The following COL21A1 variants were observed in gnomAD, a reference collection of about 807,000 sequenced individuals.
The protein encoded by COL21A1 is collagen alpha-1(XXI) chain.
COL21A1 carries 149 observed loss-of-function variants against 137.9 expected under a neutral mutation model. The ratio of observed to expected loss-of-function variants is 1.08; its 90% CI spans 0.95 to 1.24. The LOEUF is 1.24. COL21A1 is among the 50% of genes most tolerant of loss of function. The pLI, the probability that COL21A1 is intolerant of heterozygous loss-of-function variation, is 0.00. For synonymous variants in COL21A1, 456 were observed against 391.5 expected (o/e 1.16, Z -1.95); for missense variants, 1,167 against 1,158.4 (o/e 1.01, Z -0.11).
intron 5 of COL21A1, 50 bp downstream of exon 5, chr6:56,170,599 G>A (rs951275819): frequency 2.3e-6 from 3 of 1,289,848 alleles, no homozygotes; most frequent in Admixed American, 2.0e-5. Flanking sequence ...AAACCCAATA[G>A]TGCTTCCCCA....
chr6:56,178,846 T>A (rs1582570146), intron 3 of COL21A1, among the ~76,000 whole-genome samples: 1 of 152,220 alleles, frequency 6.6e-6, no homozygotes, highest in South Asian at 2.1e-4. Flanking sequence ...AAGTTAAGCT[T>A]TTTAAAGTGC....
chr6:56,065,814 C>A (rs10484724), intron 23 of COL21A1, among the ~76,000 whole-genome samples: 12,189 of 151,650 alleles, frequency 0.08, 525 homozygotes, highest in Admixed American at 0.11. Context: ...GTGTGGGGCA[C>A]GATTAAAGGA....
chr6:56,260,583 AG>A (rs1401610248), intron 1 of COL21A1, among the ~76,000 whole-genome samples: 5 of 33,864 alleles, frequency 1.5e-4, no homozygotes, highest in Non-Finnish European at 1.7e-4. Context: ...AAAAAAAAAA[AG>A]AAAGAAGAAG....
At chr6:56,351,336 C>T (rs184468934) in intron 1 of COL21A1, among the ~76,000 whole-genome samples, 4 of 152,276 alleles carry the variant, frequency 2.6e-5, no homozygotes, top group Non-Finnish European at 2.9e-5. Flanking sequence ...GAAAAGAGTA[C>T]GGGGAGGGGG....
chr6:56,340,488 A>G (rs1765440380), intron 1 of COL21A1, among the ~76,000 whole-genome samples: 1 of 152,160 alleles, frequency 6.6e-6, no homozygotes, highest in African/African-American at 2.4e-5. Flanking sequence ...TTCAAGGCCA[A>G]GTTTAATGCT....
chr6:56,206,851 A>AATG (rs1051268904), intron 1 of COL21A1, among the ~76,000 whole-genome samples: 1 of 151,862 alleles, frequency 6.6e-6, no homozygotes, highest in Non-Finnish European at 1.5e-5. Flanking sequence ...CTCAGACCAA[A>AATG]GTGGAATCAA....
At chr6:56,232,330 A>G (rs945270302) in intron 1 of COL21A1, among the ~76,000 whole-genome samples, 1 of 151,956 alleles carries the variant, frequency 6.6e-6, no homozygotes, top group Non-Finnish European at 1.5e-5. Flanking sequence ...CAATGTTTAA[A>G]AAGATATTTT....
At position 56,125,567 on chromosome 6, in the gene COL21A1, CT is replaced by C; in HGVS notation, c.1649del (p.Lys550ArgfsTer30). On this transcript the variant is annotated frameshift_variant and splice_region_variant, in exon 14 of 30. Coordinates refer to ENST00000244728, the MANE Select transcript of COL21A1 (RefSeq NM_030820.4). LOFTEE classifies it high-confidence loss of function. ...ACTTTGTTGTGTGATCTATACTTCC[CT>C]TTTTGCCATAAAATCCAGGTGATCC... ...DKGSPGFYGK[K>X]GAKGEKGNAG... The C allele has an allele frequency of 6.2e-7, 1 of 1,600,126 alleles. No homozygotes were observed. Among genetic ancestry groups the C allele is most frequent in the Non-Finnish European group, 8.5e-7 (1 of 1,170,520 alleles).
chr6:56,294,206 T>C (rs1226557283), intron 1 of COL21A1, among the ~76,000 whole-genome samples: 1 of 152,114 alleles, frequency 6.6e-6, no homozygotes, highest in Non-Finnish European at 1.5e-5. Context: ...TTGAATTAAG[T>C]AGCAAATCTC....
chr6:56,074,520 T>C (rs1302013145), intron 19 of COL21A1, among the ~76,000 whole-genome samples: 1 of 151,492 alleles, frequency 6.6e-6, no homozygotes, highest in African/African-American at 2.4e-5. Flanking sequence ...ATGATTCTAT[T>C]GCTTACAAAA....
At chr6:56,079,829 G>T (rs999775300) in intron 17 of COL21A1, among the ~76,000 whole-genome samples, 3 of 151,506 alleles carry the variant, frequency 2.0e-5, no homozygotes, top group African/African-American at 7.3e-5. Context: ...ATTATGCTAA[G>T]AATTATTACT....
At chr6:56,190,548 C>T (rs1289899045) in intron 1 of COL21A1, among the ~76,000 whole-genome samples, 1 of 152,104 alleles carries the variant, frequency 6.6e-6, no homozygotes, top group East Asian at 1.9e-4. Context: ...TGAAACAATT[C>T]CAAACAATAG....
At chr6:56,211,179 A>ATATATATG (rs1309998855) in intron 1 of COL21A1, among the ~76,000 whole-genome samples, 1 of 11,772 alleles carries the variant, frequency 8.5e-5, no homozygotes, top group Non-Finnish European at 1.5e-4. Flanking sequence ...GTATATATAC[A>ATATATATG]TATATATGTA....
chr6:56,260,403 G>C (rs767210963), intron 1 of COL21A1, among the ~76,000 whole-genome samples: 1 of 151,530 alleles, frequency 6.6e-6, no homozygotes, highest in Non-Finnish European at 1.5e-5. Context: ...GCGAAACCCT[G>C]CCTCTATAAA....
intron 1 of COL21A1, among the ~76,000 whole-genome samples, chr6:56,365,619 T>C (rs1309696268): frequency 6.6e-6 from 1 of 152,184 alleles, no homozygotes; most frequent in Admixed American, 6.5e-5. Flanking sequence ...TATTCCTGTC[T>C]CAATTCTATT....
intron 17 of COL21A1, among the ~76,000 whole-genome samples, chr6:56,095,394 G>A (rs1023941877): frequency 2.6e-5 from 4 of 152,010 alleles, no homozygotes; most frequent in Middle Eastern, 3.4e-3. Flanking sequence ...TTTCAAATCC[G>A]TCCCACTCTC....
At position 56,056,777 on chromosome 6, in the gene COL21A1, C is replaced by T. The variant is rs1342410612; in HGVS notation, c.*880G>A. 1.3e-5 allele frequency: 2 copies of T among 152,140 alleles called. No homozygotes were observed. The highest frequency in any genetic ancestry group is 4.8e-5 in the African/African-American group (2 of 41,438). 9.4% of individuals were successfully genotyped at this position (152,140 alleles called of 1,614,324 possible). On this transcript the variant is annotated 3_prime_UTR_variant, in exon 30 of 30. Transcript: ENST00000244728. ...ACATTCTAGGATTTCAGGAGTTTTC[C>T]TTTTCTTTCAACTAGAGCATTAGCT...
chr6:56,244,507 T>C (rs1318546203), intron 1 of COL21A1, among the ~76,000 whole-genome samples: 1 of 152,238 alleles, frequency 6.6e-6, no homozygotes, highest in East Asian at 1.9e-4. Context: ...ACCCTATTTA[T>C]AATAAATTGG....
intron 1 of COL21A1, among the ~76,000 whole-genome samples, chr6:56,260,729 C>CAGGA (rs1274134210): frequency 9.3e-4 from 135 of 144,438 alleles, no homozygotes; most frequent in South Asian, 5.4e-3. Flanking sequence ...GGGAGGCAGG[C>CAGGA]AGGAAGGAAG....
Sources: gnomAD v4.1 joint callset for allele counts (sites outside exome capture counted in the v4.1 genomes callset) on GRCh38, gnomAD v4.1.1 for gene constraint, MANE v1.5 for transcripts, NCBI Gene and HGNC (gene_info 2026-07-23, HGNC 2026-07-21) for gene names.